Variants in SPTLC1 observed in about 807,000 individuals in gnomAD.
The protein encoded by SPTLC1 is serine palmitoyltransferase 1.
A neutral mutation model predicts 68.9 loss-of-function variants in SPTLC1; 55 were observed. The observed-to-expected ratio is 0.80, with a 90% CI of 0.64 to 1.00. The LOEUF (loss-of-function observed/expected upper bound fraction) is 1.00. Ranked by LOEUF, SPTLC1 falls within the 50% of genes least tolerant of loss-of-function variation. SPTLC1 has a pLI of 0.00. For missense variants in SPTLC1, 449 were observed against 573.1 expected (o/e 0.78, Z 2.21); for synonymous variants, 197 against 201.6 (o/e 0.98, Z 0.19).
chr9:92,079,631 C>T (rs1834806973), intron 5 of SPTLC1: 2 of 1,410,182 alleles, frequency 1.4e-6, no homozygotes, highest in Non-Finnish European at 1.0e-6. Flanking sequence ...CTGCTCTCCA[C>T]TTTCTTCCTA....
intron 3 of SPTLC1, among the ~76,000 whole-genome samples, chr9:92,095,905 C>T (rs116122670): frequency 0.033 from 5,041 of 152,246 alleles, 214 homozygotes; most frequent in Middle Eastern, 0.11. Flanking sequence ...CGGGAAAGGC[C>T]GACAACAGGA....
intron 1 of SPTLC1, 41 bp from the exon 2 acceptor site, chr9:92,112,603 C>T (rs1172286509): frequency 3.2e-6 from 4 of 1,263,162 alleles, no homozygotes; most frequent in Non-Finnish European, 4.6e-6. Context: ...GAAACATACA[C>T]TTCTAACACC....
At chr9:92,083,721 TG>T (rs1834994130) in intron 3 of SPTLC1, among the ~76,000 whole-genome samples, 1 of 151,986 alleles carries the variant, frequency 6.6e-6, no homozygotes, top group African/African-American at 2.4e-5. Context: ...CTTGGCGATG[TG>T]GGCTCTTTTT....
intron 6 of SPTLC1, among the ~76,000 whole-genome samples, chr9:92,062,555 G>A (rs1428563922): frequency 2.0e-5 from 3 of 152,070 alleles, no homozygotes; most frequent in Non-Finnish European, 2.9e-5. Flanking sequence ...CATTTTTTAA[G>A]TGCCCATATA....
intron 12 of SPTLC1, among the ~76,000 whole-genome samples, chr9:92,041,266 A>G (rs2118396095): frequency 6.6e-6 from 1 of 152,346 alleles, no homozygotes; most frequent in South Asian, 2.1e-4. Flanking sequence ...ACTCAGAACT[A>G]AACATTGAAG....
intron 3 of SPTLC1, among the ~76,000 whole-genome samples, chr9:92,093,694 C>A (rs1197467112): frequency 1.3e-5 from 2 of 152,304 alleles, no homozygotes; most frequent in East Asian, 3.9e-4. Flanking sequence ...AAAGATATTA[C>A]ATTTTGCCAA....
In SPTLC1 at chr9:92,067,863, CA is replaced by C. The variant is rs1834348498; in HGVS notation, c.560+102del. Reference sequence around the variant, plus strand: ...TGACTATTTCTTGAAAAACAAAAAGCAGCATTATTTTATGCAGATAACTTCT... The same window carrying C: ...TGACTATTTCTTGAAAAACAAAAAGCGCATTATTTTATGCAGATAACTTCT... On this transcript the variant is annotated intron_variant, in intron 6 of 14. Coordinates refer to ENST00000262554, the MANE Select transcript of SPTLC1 (RefSeq NM_006415.4). The C allele has an allele frequency of 1.2e-5, 16 of 1,382,016 alleles. No individual in the cohort carries two copies. The South Asian group carries it at 2.0e-4, about 17-fold the overall frequency. The allele number at this position is 1,382,016 out of a possible 1,614,324, so 85.6% of individuals were successfully genotyped here.
intron 5 of SPTLC1, among the ~76,000 whole-genome samples, chr9:92,069,910 G>C (rs1486909943): frequency 6.6e-6 from 1 of 152,160 alleles, no homozygotes; most frequent in Non-Finnish European, 1.5e-5. Flanking sequence ...AAATCATTCT[G>C]TAGACTTCTT....
intron 3 of SPTLC1, chr9:92,105,338 A>G (rs769586449): frequency 6.1e-5 from 93 of 1,519,736 alleles, no homozygotes; most frequent in Non-Finnish European, 7.7e-5. Flanking sequence ...GCAGGGCAAC[A>G]TGCGTAAGAA....
chr9:92,077,668 T>C lies in SPTLC1; in HGVS notation c.427+2348A>G, dbSNP rs186803579. On this transcript the variant is annotated intron_variant, in intron 5 of 14. Coordinates refer to ENST00000262554, the MANE Select transcript of SPTLC1 (RefSeq NM_006415.4). Reference sequence around the variant, plus strand: ...CCAGTATTTAAACTCTGTCTACTTATGTCCCTACTAACCATTCTCACGTAC... The same window carrying C: ...CCAGTATTTAAACTCTGTCTACTTACGTCCCTACTAACCATTCTCACGTAC... Among the ~76,000 whole-genome samples, 5 of 152,338 alleles carry C rather than the reference T, an allele frequency of 3.3e-5. No homozygotes were observed. The South Asian group carries it at 6.2e-4, about 19-fold the overall frequency.
At chr9:92,067,327 A>T (rs1434755148) in intron 6 of SPTLC1, among the ~76,000 whole-genome samples, 2 of 149,524 alleles carry the variant, frequency 1.3e-5, no homozygotes, top group African/African-American at 2.5e-5. Flanking sequence ...AACAGAGAAG[A>T]GGAAATTAAA....
At chr9:92,043,346 C>T (rs1010285144) in intron 12 of SPTLC1, among the ~76,000 whole-genome samples, 28 of 152,120 alleles carry the variant, frequency 1.8e-4, no homozygotes, top group Admixed American at 4.6e-4. Context: ...CACTGAAATG[C>T]TTCATATAAT....
At chr9:92,051,360 G>A (rs1000792618) in intron 8 of SPTLC1, 1 of 735,612 alleles carries the variant, frequency 1.4e-6, no homozygotes, top group African/African-American at 1.9e-5. Context: ...GAAGAATGTA[G>A]GGGGAAAAAC....
intron 3 of SPTLC1, among the ~76,000 whole-genome samples, chr9:92,082,318 A>C (rs947273406): frequency 5.3e-5 from 8 of 151,826 alleles, no homozygotes; most frequent in African/African-American, 1.9e-4. Context: ...TATACATGTG[A>C]CATGCTGGTG....
At chr9:92,072,826 A>C (rs1422142272) in intron 5 of SPTLC1, among the ~76,000 whole-genome samples, 1 of 151,766 alleles carries the variant, frequency 6.6e-6, no homozygotes, top group Non-Finnish European at 1.5e-5. Flanking sequence ...TTTTACTATG[A>C]TCTCTCCCTA....
At chr9:92,087,120 T>C (rs1835173216) in intron 3 of SPTLC1, among the ~76,000 whole-genome samples, 1 of 152,168 alleles carries the variant, frequency 6.6e-6, no homozygotes, top group African/African-American at 2.4e-5. Flanking sequence ...TTCTCTGTAT[T>C]GGTTATTCTA....
rs569677797 is a variant in SPTLC1 at position 92,080,803 on chromosome 9, G to A, written c.354+67C>T. The A allele has an allele frequency of 2.2e-6, 3 of 1,334,380 alleles. No individual in the cohort carries two copies. In the Admixed American group the frequency reaches 5.1e-5, roughly 23 times the overall value. The allele number at this position is 1,334,380 out of a possible 1,614,324, so 82.7% of individuals were successfully genotyped here. ...GATCCACCACGCCCAGCCTGCCTTT[G>A]TCTTTTATGTCTAGTTTCTTAAATC... On this transcript the variant is annotated intron_variant, in intron 4 of 14. Coordinates refer to ENST00000262554, the MANE Select transcript of SPTLC1 (RefSeq NM_006415.4).
intron 12 of SPTLC1, among the ~76,000 whole-genome samples, chr9:92,041,567 C>G (rs1833349784): frequency 6.6e-6 from 1 of 152,204 alleles, no homozygotes; most frequent in African/African-American, 2.4e-5. Flanking sequence ...AAGAAACGAT[C>G]AAGCCTTGTT....
intron 9 of SPTLC1, among the ~76,000 whole-genome samples, chr9:92,048,716 T>C (rs962483036): frequency 6.6e-6 from 1 of 152,234 alleles, no homozygotes; most frequent in Non-Finnish European, 1.5e-5. Flanking sequence ...ACAAAACTAG[T>C]ATCATACTTA....
Sources: allele counts gnomAD v4.1 joint callset (sites outside exome capture counted in the v4.1 genomes callset), GRCh38; gene constraint gnomAD v4.1.1; transcripts MANE v1.5; gene names NCBI Gene and HGNC (gene_info 2026-07-23, HGNC 2026-07-21).